Variants in AGBL1 observed in about 807,000 individuals in gnomAD.
AGBL1 encodes AGBL carboxypeptidase 1.
AGBL1 carries 130 observed loss-of-function variants against 118.9 expected under a neutral mutation model. That is an observed-to-expected ratio of 1.09 (90% CI 0.95 to 1.26). The LOEUF (loss-of-function observed/expected upper bound fraction) is 1.26. Among genes scored for constraint, AGBL1 ranks in the 50% most tolerant of loss-of-function variants. The probability of loss-of-function intolerance (pLI) is 0.00; values close to 1 mark genes in which losing one functional copy is unlikely to be tolerated. For synonymous variants in AGBL1, 555 were observed against 478.9 expected (o/e 1.16, Z -2.08); for missense variants, 1,584 against 1,298.1 (o/e 1.22, Z -3.38).
intron 22 of AGBL1, among the ~76,000 whole-genome samples, chr15:86,692,267 C>T: frequency 6.6e-6 from 1 of 152,016 alleles, no homozygotes; most frequent in East Asian, 1.9e-4. Context: ...ATCCTAGCAT[C>T]AAGCAGATGG....
At chr15:86,299,569 A>G (rs1430493780) in intron 17 of AGBL1, among the ~76,000 whole-genome samples, 3 of 152,142 alleles carry the variant, frequency 2.0e-5, no homozygotes, top group Non-Finnish European at 4.4e-5. Flanking sequence ...AAGATATCCC[A>G]TAAGCTGTTT....
At chr15:86,643,703 A>G (rs1329043712) in intron 21 of AGBL1, among the ~76,000 whole-genome samples, 3 of 151,852 alleles carry the variant, frequency 2.0e-5, no homozygotes, top group African/African-American at 7.2e-5. Context: ...GCATTTTATT[A>G]TTTTCTCCTT....
At chr15:86,540,445 G>A (rs2083478638) in intron 19 of AGBL1, among the ~76,000 whole-genome samples, 1 of 152,002 alleles carries the variant, frequency 6.6e-6, no homozygotes, top group South Asian at 2.1e-4. Flanking sequence ...AACACAAAAA[G>A]TTAGCTGAGC....
At chr15:86,328,833 G>A (rs147240184) in intron 17 of AGBL1, among the ~76,000 whole-genome samples, 6 of 152,282 alleles carry the variant, frequency 3.9e-5, no homozygotes, top group Admixed American at 3.3e-4. Flanking sequence ...ACTGGGAAAC[G>A]CTGCAGGCAT....
At chr15:86,401,565 G>C (rs1007085115) in intron 18 of AGBL1, among the ~76,000 whole-genome samples, 13 of 152,062 alleles carry the variant, frequency 8.5e-5, no homozygotes, top group African/African-American at 2.9e-4. Flanking sequence ...TTATCTTCTG[G>C]AATTTTTATG....
chr15:86,864,401 CT>C (rs1305368950), intron 22 of AGBL1, among the ~76,000 whole-genome samples: 1 of 152,150 alleles, frequency 6.6e-6, no homozygotes, highest in Non-Finnish European at 1.5e-5. Context: ...ATTGTAAGTA[CT>C]TTTTGCATTA....
chr15:86,098,152 T>A (rs1406712643), intron 1 of AGBL1, among the ~76,000 whole-genome samples: 1 of 152,176 alleles, frequency 6.6e-6, no homozygotes, highest in African/African-American at 2.4e-5. Context: ...TTTGCCCACT[T>A]TGTAATAAAA....
chr15:86,603,498 T>A (rs2084527505), intron 21 of AGBL1, among the ~76,000 whole-genome samples: 2 of 151,976 alleles, frequency 1.3e-5, no homozygotes, highest in South Asian at 4.2e-4. Flanking sequence ...AGGCTTCCTG[T>A]CCCCCTTAGC....
At chr15:86,357,160 G>T (rs2080734526) in intron 17 of AGBL1, among the ~76,000 whole-genome samples, 1 of 152,178 alleles carries the variant, frequency 6.6e-6, no homozygotes, top group Non-Finnish European at 1.5e-5. Context: ...ATGTAAAAGA[G>T]GGATTTACTT....
chr15:86,415,558 C>T (rs986294595), intron 18 of AGBL1, among the ~76,000 whole-genome samples: 13 of 152,136 alleles, frequency 8.5e-5, no homozygotes, highest in African/African-American at 2.7e-4. Flanking sequence ...TATAAAATCA[C>T]TATTAAATAA....
chr15:86,495,398 T>A (rs28520222), intron 18 of AGBL1, among the ~76,000 whole-genome samples: 46 of 121,118 alleles, frequency 3.8e-4, no homozygotes, highest in African/African-American at 1.0e-3. Context: ...TATCTTTTTT[T>A]TAAAAAAAAA....
intron 21 of AGBL1, among the ~76,000 whole-genome samples, chr15:86,672,641 T>C (rs879917935): frequency 3.3e-5 from 5 of 152,162 alleles, no homozygotes; most frequent in Admixed American, 6.5e-5. Flanking sequence ...TGTATAAAAG[T>C]AACCTGGAAA....
chr15:86,349,833 C>T (rs567946182), intron 17 of AGBL1, among the ~76,000 whole-genome samples: 9 of 152,288 alleles, frequency 5.9e-5, no homozygotes, highest in Admixed American at 5.9e-4. Flanking sequence ...GGAAAGAGCT[C>T]TGGAAGGAAA....
intron 22 of AGBL1, among the ~76,000 whole-genome samples, chr15:86,891,245 A>T (rs149816591): frequency 2.0e-3 from 297 of 152,178 alleles, no homozygotes; most frequent in African/African-American, 6.8e-3. Flanking sequence ...GTATCCTGAG[A>T]CTTTGCTGAA....
chr15:86,732,720 T>C (rs2077542364), intron 22 of AGBL1, among the ~76,000 whole-genome samples: 1 of 152,130 alleles, frequency 6.6e-6, no homozygotes, highest in Non-Finnish European at 1.5e-5. Flanking sequence ...CTGTGCCATA[T>C]ATTAGCTGTG....
At chr15:86,511,342 A>G (rs1343900387) in intron 18 of AGBL1, among the ~76,000 whole-genome samples, 3 of 151,992 alleles carry the variant, frequency 2.0e-5, no homozygotes, top group South Asian at 2.1e-4. Flanking sequence ...CAACAGGCAA[A>G]TCAGATAGAA....
chr15:86,481,364 A>T (rs1169176406), intron 18 of AGBL1, among the ~76,000 whole-genome samples: 1 of 152,066 alleles, frequency 6.6e-6, no homozygotes, highest in Non-Finnish European at 1.5e-5. Context: ...CTGGGAATAA[A>T]ATTTAAATCA....
chr15:86,668,166 C>A (rs966898098), intron 21 of AGBL1, among the ~76,000 whole-genome samples: 1 of 152,192 alleles, frequency 6.6e-6, no homozygotes, highest in Non-Finnish European at 1.5e-5. Context: ...ACACCTCCCA[C>A]CAGACCCCAC....
At chr15:86,381,374 A>ATTTAATAGT (rs1290818827) in intron 17 of AGBL1, among the ~76,000 whole-genome samples, 1 of 152,126 alleles carries the variant, frequency 6.6e-6, no homozygotes, top group Non-Finnish European at 1.5e-5. Flanking sequence ...GTTTATTTCA[A>ATTTAATAGT]TTTAATAGTT....
Sources: gnomAD v4.1 joint callset for allele counts (sites outside exome capture counted in the v4.1 genomes callset) on GRCh38, gnomAD v4.1.1 for gene constraint, MANE v1.5 for transcripts, NCBI Gene and HGNC (gene_info 2026-07-23, HGNC 2026-07-21) for gene names.